Variants in CACNA1I observed in about 807,000 individuals in gnomAD.
The protein encoded by CACNA1I is voltage-dependent T-type calcium channel subunit alpha-1I.
In CACNA1I, 74 loss-of-function variants were observed where a neutral mutation model predicts 201.6. The ratio of observed to expected loss-of-function variants is 0.37; its 90% CI spans 0.30 to 0.45. The LOEUF (loss-of-function observed/expected upper bound fraction) is 0.45. CACNA1I is among the 20% of genes least tolerant of loss of function. CACNA1I has a pLI of 1.00. For synonymous variants in CACNA1I, 1,431 were observed against 1,345.2 expected (o/e 1.06, Z -1.40); for missense variants, 2,346 against 3,138.1 (o/e 0.75, Z 6.03).
chr22:39,647,489 G>A (rs1160868690), intron 8 of CACNA1I, among the ~76,000 whole-genome samples: 1 of 152,220 alleles, frequency 6.6e-6, no homozygotes, highest in African/African-American at 2.4e-5. Flanking sequence ...ACAGCTTACT[G>A]CAACCTCAAA....
intron 31 of CACNA1I, 72 bp downstream of exon 31, chr22:39,678,180 C>T: frequency 6.5e-7 from 1 of 1,529,856 alleles, no homozygotes; most frequent in Non-Finnish European, 8.9e-7. Flanking sequence ...TCCTGCTGCT[C>T]AGGGCTCTGC....
chr22:39,669,950 C>G, intron 24 of CACNA1I, 88 bp from the exon 25 acceptor site: 4 of 1,480,490 alleles, frequency 2.7e-6, no homozygotes, highest in Non-Finnish European at 3.8e-6. Context: ...CACATGCCCA[C>G]TCCATGGAGG....
intron 1 of CACNA1I, among the ~76,000 whole-genome samples, chr22:39,592,126 A>G (rs865960493): frequency 3.9e-5 from 6 of 152,254 alleles, no homozygotes; most frequent in Non-Finnish European, 7.3e-5. Flanking sequence ...AGCAGCACCC[A>G]AAGACCCTGA....
chr22:39,633,840 G>A (rs117803091), intron 4 of CACNA1I, among the ~76,000 whole-genome samples: 1,737 of 152,342 alleles, frequency 0.011, 19 homozygotes, highest in Admixed American at 0.032. Context: ...TGTAGAGCCC[G>A]TTAGCAGGCG....
chr22:39,630,099 C>T (rs1156646655), intron 4 of CACNA1I, among the ~76,000 whole-genome samples: 1 of 152,168 alleles, frequency 6.6e-6, no homozygotes, highest in Non-Finnish European at 1.5e-5. Flanking sequence ...GTCCAGGCTG[C>T]CTCCGACTTG....
intron 5 of CACNA1I, 36 bp downstream of exon 5, chr22:39,634,760 G>T (rs1281161953): frequency 2.5e-6 from 4 of 1,596,358 alleles, no homozygotes; most frequent in Non-Finnish European, 3.4e-6. Flanking sequence ...CAGCTCCGGG[G>T]ACTCTTACTA....
At chr22:39,605,968 G>A (rs991564859) in intron 3 of CACNA1I, among the ~76,000 whole-genome samples, 1 of 152,124 alleles carries the variant, frequency 6.6e-6, no homozygotes, top group African/African-American at 2.4e-5. Context: ...GAGGCTGCAG[G>A]GATGGTATCA....
rs765914577 is a variant in CACNA1I at position 39,659,660 on chromosome 22, TA to T, written c.2449-36del. On this transcript the variant is annotated intron_variant, in intron 13 of 36. Coordinates refer to ENST00000402142, the MANE Select transcript of CACNA1I (RefSeq NM_021096.4). This position sits in a 1 kb window ranked among gnomAD's most constrained non-coding sequence, Gnocchi z 4.3. ...CTCCTTGTAGAGCCTAGCCCTGGAC[TA>T]GGGGTACCCCAGGGCTAACTGTGTC... 2.7e-5 allele frequency: 44 copies of T among 1,612,766 alleles called. No individual in the cohort carries two copies. The South Asian group carries it at 4.8e-4, about 18-fold the overall frequency.
At chr22:39,673,835 G>C in intron 28 of CACNA1I, 128 bp from the exon 29 acceptor site, 1 of 786,428 alleles carries the variant, frequency 1.3e-6, no homozygotes, top group Non-Finnish European at 2.0e-6. Context: ...TGGTATCTGA[G>C]AGCCAGACTC....
chr22:39,658,906 C>T, intron 11 of CACNA1I, 25 bp from the exon 12 acceptor site: 1 of 1,564,432 alleles, frequency 6.4e-7, no homozygotes, highest in Non-Finnish European at 8.6e-7. Flanking sequence ...TACCTGTACC[C>T]TGGGCCTGCC....
At position 39,648,898 on chromosome 22, in the gene CACNA1I, C is replaced by T. The variant is rs1407656178; in HGVS notation, c.1568-603C>T. Among the ~76,000 whole-genome samples, 4 of 152,152 alleles carry T rather than the reference C, an allele frequency of 2.6e-5. No individual in the cohort carries two copies. The highest frequency in any genetic ancestry group is 2.1e-4 in the South Asian group (1 of 4,816). On this transcript the variant is annotated intron_variant, in intron 9 of 36. Coordinates refer to ENST00000402142, the MANE Select transcript of CACNA1I (RefSeq NM_021096.4). The surrounding 1 kb of genome is among the most constrained non-coding windows in gnomAD (Gnocchi z 5.4). ...CCTCTTCCCAGGGGCCCTTCCTGCCCGCTGCCCCCACCTCCACCCCTTGCG... is the reference window on the plus strand; with the variant it reads ...CCTCTTCCCAGGGGCCCTTCCTGCCTGCTGCCCCCACCTCCACCCCTTGCG...
chr22:39,644,456 T>C (rs1408759344), intron 7 of CACNA1I, among the ~76,000 whole-genome samples: 2 of 152,172 alleles, frequency 1.3e-5, no homozygotes, highest in Non-Finnish European at 2.9e-5. Context: ...TTATTGCTGC[T>C]ATTATTGGGT....
At position 39,679,317 on chromosome 22, in the gene CACNA1I, C is replaced by T. The variant is rs1935612593; in HGVS notation, c.5266C>T (p.His1756Tyr). ...TGCCGAGCTCGAGCTGGAGATGGCC[C>T]ATGGCCTGGGCCCTGGCCCGAGGCT... is the stretch of plus-strand genomic sequence containing the variant. ...MDAELELEMA[H>Y]GLGPGPRLPT... is the part of the protein sequence containing the mutation. Residue 1756 changes from histidine to tyrosine, a missense_variant, in exon 32 of 37, where the codon CAT (histidine) becomes TAT (tyrosine). Coordinates refer to ENST00000402142, the MANE Select transcript of CACNA1I (RefSeq NM_021096.4). 2 of 1,553,874 alleles carry T rather than the reference C, an allele frequency of 1.3e-6. No individual in the cohort carries two copies. The highest frequency in any genetic ancestry group is 1.4e-5 in the African/African-American group (1 of 73,230).
At chr22:39,584,991 A>G (rs1345417057) in intron 1 of CACNA1I, among the ~76,000 whole-genome samples, 1 of 152,260 alleles carries the variant, frequency 6.6e-6, no homozygotes, top group Admixed American at 6.5e-5. Flanking sequence ...TCTTTATCAA[A>G]AATTTGTTTT....
At position 39,663,813 on chromosome 22, in the gene CACNA1I, A is replaced by G; in HGVS notation, c.3569A>G (p.Glu1190Gly). 1 of 1,612,706 alleles carries G rather than the reference A, an allele frequency of 6.2e-7. No homozygotes were observed. The highest frequency in any genetic ancestry group is 8.5e-7 in the Non-Finnish European group (1 of 1,179,214). ...CTCAACTGCATCACCATCGCCCTGGAGCGGCCTCAGATCGAGGCCGGCAGC... is the reference window on the plus strand; with the variant it reads ...CTCAACTGCATCACCATCGCCCTGGGGCGGCCTCAGATCGAGGCCGGCAGC... ...IFLNCITIALERPQIEAGSTE... is the reference protein window; with the variant it reads ...IFLNCITIALGRPQIEAGSTE... The change falls in exon 19 of 37, where the codon GAG becomes GGG. Residue 1190 changes from glutamate (E) to glycine (G), a missense_variant. Around this residue, in one of 13 missense-constraint regions of CACNA1I, gnomAD observed 158 missense variants for 231.6 expected, o/e 0.68. Coordinates refer to ENST00000402142, the MANE Select transcript of CACNA1I (RefSeq NM_021096.4).
At chr22:39,669,552 G>A (rs1471968031) in intron 24 of CACNA1I, among the ~76,000 whole-genome samples, 2 of 151,646 alleles carry the variant, frequency 1.3e-5, no homozygotes, top group Admixed American at 6.6e-5. Flanking sequence ...TGGATGGGTG[G>A]GTGGATGGAT....
Position 39,677,750 on chromosome 22 carries a change from C to T in CACNA1I, c.4934-237C>T, listed in dbSNP as rs574213970. 3.2e-4 allele frequency among the ~76,000 whole-genome samples: 48 copies of T among 152,346 alleles called. No homozygotes were observed. Among genetic ancestry groups the T allele is most frequent in the African/African-American group, 1.1e-3 (46 of 41,592 alleles). On this transcript the variant is annotated intron_variant, in intron 30 of 36. Coordinates refer to ENST00000402142, the MANE Select transcript of CACNA1I (RefSeq NM_021096.4). This position sits in a 1 kb window ranked among gnomAD's most constrained non-coding sequence, Gnocchi z 4.8. ...CGAGGGGCTGGCCCTCACCCCATTT[C>T]ACCCTCTTTCTCAGAAACCCATTCT...
intron 4 of CACNA1I, among the ~76,000 whole-genome samples, chr22:39,619,633 C>A (rs1933668975): frequency 6.6e-6 from 1 of 152,182 alleles, no homozygotes; most frequent in East Asian, 1.9e-4. Context: ...GGTCCCAATG[C>A]TTCTGAGTCC....
intron 3 of CACNA1I, among the ~76,000 whole-genome samples, chr22:39,604,411 G>A (rs2036336966): frequency 6.6e-6 from 1 of 152,060 alleles, no homozygotes; most frequent in African/African-American, 2.4e-5. Flanking sequence ...GGAGGGCTGG[G>A]CATGGGGCTG....
Sources: allele counts gnomAD v4.1 joint callset (sites outside exome capture counted in the v4.1 genomes callset), GRCh38; gene constraint gnomAD v4.1.1; regional missense constraint gnomAD v4.1.1; non-coding constraint Gnocchi (gnomAD v3.1); transcripts MANE v1.5; gene names NCBI Gene and HGNC (gene_info 2026-07-23, HGNC 2026-07-21).